UBASH3B: variants seen among roughly 807,000 people sequenced by gnomAD.
UBASH3B encodes ubiquitin associated and SH3 domain containing B.
In UBASH3B, 37 loss-of-function variants were observed where a neutral mutation model predicts 83.4. The ratio of observed to expected loss-of-function variants is 0.44; its 90% confidence interval spans 0.34 to 0.58. UBASH3B has a LOEUF of 0.58. Among genes scored for constraint, UBASH3B ranks in the 20% least tolerant of loss-of-function variants. UBASH3B has a pLI of 0.01. For missense variants in UBASH3B, 657 were observed against 827.2 expected (o/e 0.79, Z 2.52); for synonymous variants, 304 against 318.3 (o/e 0.96, Z 0.48).
chr11:122,809,806 C>A lies in UBASH3B; in HGVS notation c.1870C>A (p.Leu624Met). 1 of 1,614,070 alleles carries A rather than the reference C, an allele frequency of 6.2e-7. No individual in the cohort carries two copies. The highest frequency in any genetic ancestry group is 8.5e-7 in the Non-Finnish European group (1 of 1,179,994). ...EELGETGIWQ[L>M]TDPPILPLTH... ...ATTAGGAGAAACTGGAATATGGCAG[C>A]TGACAGATCCACCAATCCTTCCTCT... The change falls in exon 14 of 14, where the codon CTG (leucine) becomes ATG (methionine). Residue 624 changes from leucine (L) to methionine (M), a missense_variant. Coordinates refer to ENST00000284273, the MANE Select transcript of UBASH3B (RefSeq NM_032873.5).
intron 1 of UBASH3B, among the ~76,000 whole-genome samples, chr11:122,713,379 G>A (rs1165966694): frequency 6.6e-6 from 1 of 152,182 alleles, no homozygotes; most frequent in Non-Finnish European, 1.5e-5. Flanking sequence ...TCAGACGAAT[G>A]CATGTGAAAT....
chr11:122,785,012 A>G (rs910057063), intron 5 of UBASH3B, among the ~76,000 whole-genome samples: 13 of 152,200 alleles, frequency 8.5e-5, no homozygotes, highest in Admixed American at 8.5e-4. Flanking sequence ...GGTTGCGTGC[A>G]GATGGCCTCT....
chr11:122,732,948 A>C (rs1480646495), intron 1 of UBASH3B, among the ~76,000 whole-genome samples: 5 of 152,298 alleles, frequency 3.3e-5, no homozygotes, highest in African/African-American at 1.2e-4. Context: ...TGAATCATTA[A>C]AATTCCTGGC....
rs993447861 is a variant in UBASH3B, at chr11:122,758,751, A to C, written c.162-17468A>C. On this transcript the variant is annotated intron_variant, in intron 1 of 13. Transcript: ENST00000284273. This position sits in a 1 kb window ranked among gnomAD's most constrained non-coding sequence, Gnocchi z 4.2. ...TTAACTCTCAGCCTAGAAGGACTTA[A>C]ATCAAGTTTTAACTGATGGCAGGAG... 6.6e-6 allele frequency among the ~76,000 whole-genome samples: 1 copy of C among 152,204 alleles called. No homozygotes were observed. The highest frequency in any genetic ancestry group is 1.5e-5 in the Non-Finnish European group (1 of 68,034).
At chr11:122,737,187 G>A (rs945453422) in intron 1 of UBASH3B, among the ~76,000 whole-genome samples, 7 of 152,202 alleles carry the variant, frequency 4.6e-5, no homozygotes, top group African/African-American at 1.7e-4. Context: ...CTTTACCCTA[G>A]AGGAAATAGG....
rs1861431872 is a variant in UBASH3B at position 122,810,708 on chromosome 11, GTGCTAC to G, written c.*826_*831del. 1 of 152,456 alleles carries G rather than the reference GTGCTAC, an allele frequency of 6.6e-6. No individual in the cohort carries two copies. Among genetic ancestry groups the G allele is most frequent in the South Asian group, 2.1e-4 (1 of 4,832 alleles). The allele number at this position is 152,456 out of a possible 1,614,324, so 9.4% of individuals were successfully genotyped here. ...GGAATTAACCATGTTGTAGCCTAAC[GTGCTAC>G]TGCATTTCTAAATCATCAATATTTG... On this transcript the variant is annotated 3_prime_UTR_variant, in exon 14 of 14. Transcript: ENST00000284273.
chr11:122,701,602 G>A (rs1243591338), intron 1 of UBASH3B, among the ~76,000 whole-genome samples: 2 of 152,064 alleles, frequency 1.3e-5, no homozygotes, highest in African/African-American at 2.4e-5. Flanking sequence ...CAGGGTCCTC[G>A]CTTGCATTGG....
At chr11:122,793,976 A>G (rs1003613366) in intron 6 of UBASH3B, among the ~76,000 whole-genome samples, 1 of 152,214 alleles carries the variant, frequency 6.6e-6, no homozygotes, top group African/African-American at 2.4e-5. Flanking sequence ...TCTTCACTTC[A>G]GATGGAAATT....
intron 1 of UBASH3B, among the ~76,000 whole-genome samples, chr11:122,768,930 C>T (rs764232223): frequency 6.6e-6 from 1 of 152,194 alleles, no homozygotes. Context: ...TACGGGACAA[C>T]CAGAGATGAC....
At chr11:122,683,476 G>A (rs186834271) in intron 1 of UBASH3B, among the ~76,000 whole-genome samples, 80 of 151,504 alleles carry the variant, frequency 5.3e-4, no homozygotes, top group Admixed American at 1.8e-3. Flanking sequence ...TTAGCCGGGC[G>A]TGGTGGCGCA....
intron 1 of UBASH3B, among the ~76,000 whole-genome samples, chr11:122,768,466 A>AGGTATG (rs745861229): frequency 4.7e-4 from 61 of 129,026 alleles, no homozygotes; most frequent in East Asian, 1.7e-3. Context: ...AGAGATATAT[A>AGGTATG]TGTATGTGTG....
intron 1 of UBASH3B, among the ~76,000 whole-genome samples, chr11:122,665,524 G>A (rs1368461386): frequency 6.6e-6 from 1 of 152,138 alleles, no homozygotes; most frequent in East Asian, 1.9e-4. Flanking sequence ...GCACGAGGAT[G>A]CTCTCACTGC....
intron 1 of UBASH3B, among the ~76,000 whole-genome samples, chr11:122,704,157 C>T (rs1050412925): frequency 6.6e-6 from 1 of 152,188 alleles, no homozygotes; most frequent in Non-Finnish European, 1.5e-5. Context: ...GCTGAGTGAC[C>T]TTTTATTTAC....
rs540870498 is a variant in UBASH3B, at chr11:122,678,291, G to A, written c.161+22081G>A. On this transcript the variant is annotated intron_variant, in intron 1 of 13. Coordinates refer to ENST00000284273, the MANE Select transcript of UBASH3B (RefSeq NM_032873.5). ...AATGGTGGGAATTTGAGGCCAGGTG[G>A]GACCCTACTCCATCCTGCCACAGCC... Among the ~76,000 whole-genome samples the A allele has an allele frequency of 2.6e-5, 4 of 152,296 alleles. No individual in the cohort carries two copies. The East Asian group carries it at 7.7e-4, about 29-fold the overall frequency.
chr11:122,660,863 G>T (rs1863429160), intron 1 of UBASH3B, among the ~76,000 whole-genome samples: 1 of 152,214 alleles, frequency 6.6e-6, no homozygotes, highest in African/African-American at 2.4e-5. Context: ...CACTGTGGCA[G>T]GGATCAAAGG....
chr11:122,699,869 T>C (rs1851849847), intron 1 of UBASH3B, among the ~76,000 whole-genome samples: 1 of 152,030 alleles, frequency 6.6e-6, no homozygotes, highest in Non-Finnish European at 1.5e-5. Flanking sequence ...CAGGCATGAG[T>C]CACCATGCCC....
chr11:122,656,122 C>A lies in UBASH3B; in HGVS notation c.73C>A (p.Arg25=), dbSNP rs1404621209. ...REELYSKVTP[R]RNRQQRPGTI... The stretch of plus-strand genomic sequence containing the variant: ...GGAGCTGTACAGCAAAGTCACCCCC[C>A]GGAGGAACCGCCAACAGCGCCCCGG... Residue 25 remains arginine, a synonymous_variant, in exon 1 of 14, where the codon CGG becomes AGG. Coordinates refer to ENST00000284273, the MANE Select transcript of UBASH3B (RefSeq NM_032873.5). 1.9e-6 allele frequency: 3 copies of A among 1,598,488 alleles called. No homozygotes were observed. Among genetic ancestry groups the A allele is most frequent in the East Asian group, 2.3e-5 (1 of 43,812 alleles).
intron 1 of UBASH3B, among the ~76,000 whole-genome samples, chr11:122,682,719 G>C (rs1863758016): frequency 6.6e-6 from 1 of 152,108 alleles, no homozygotes; most frequent in Non-Finnish European, 1.5e-5. Context: ...CTCCAAGAGG[G>C]AGCTGCACCA....
intron 1 of UBASH3B, among the ~76,000 whole-genome samples, chr11:122,684,451 A>G (rs539340190): frequency 1.3e-5 from 2 of 152,328 alleles, no homozygotes; most frequent in South Asian, 4.1e-4. Flanking sequence ...TGCAGAGAAG[A>G]GTGTGTGTTA....
Sources: gnomAD v4.1 joint callset for allele counts (sites outside exome capture counted in the v4.1 genomes callset) on GRCh38, gnomAD v4.1.1 for gene constraint, Gnocchi (gnomAD v3.1) non-coding constraint, MANE v1.5 for transcripts, NCBI Gene and HGNC (gene_info 2026-07-23, HGNC 2026-07-21) for gene names.